KLRC1: variants seen among roughly 807,000 people sequenced by gnomAD.
KLRC1 encodes the protein killer cell lectin like receptor C1, also known as NKG2-A/NKG2-B type II integral membrane protein.
Under a neutral mutation model 25.9 loss-of-function variants are expected in KLRC1, and 22 were observed. The observed-to-expected ratio is 0.85, with a 90% CI of 0.61 to 1.21. The LOEUF (loss-of-function observed/expected upper bound fraction) is 1.21, where lower values mean the gene tolerates loss of function less well. KLRC1 is among the 50% of genes most tolerant of loss of function. The probability of loss-of-function intolerance (pLI) is 0.00; values close to 1 mark genes in which losing one functional copy is unlikely to be tolerated. For missense variants in KLRC1, 240 were observed against 272.2 expected (o/e 0.88, Z 0.83); for synonymous variants, 77 against 93.1 (o/e 0.83, Z 0.99).
chr12:10,444,953 C>G (rs1241414048), downstream of KLRC1, among the ~76,000 whole-genome samples: 2 of 144,132 alleles, frequency 1.4e-5, no homozygotes, highest in Non-Finnish European at 3.0e-5. Flanking sequence ...CAGAGTCTCC[C>G]TCTGTCGCCA....
intron 1 of KLRC1, among the ~76,000 whole-genome samples, chr12:10,452,425 C>T (rs530299839): frequency 1.1e-4 from 16 of 152,180 alleles, no homozygotes; most frequent in African/African-American, 3.4e-4. Context: ...TTATAATGTG[C>T]GACCTTTAAA....
At chr12:10,447,991 A>G (rs1428430502) in intron 5 of KLRC1, among the ~76,000 whole-genome samples, 1 of 152,164 alleles carries the variant, frequency 6.6e-6, no homozygotes, top group Non-Finnish European at 1.5e-5. Flanking sequence ...AGAGGTTGTG[A>G]TTCAGAAATA....
intron 2 of KLRC1, 78 bp downstream of exon 2, chr12:10,450,892 C>T (rs1864110120): frequency 9.6e-7 from 1 of 1,044,878 alleles, no homozygotes; most frequent in Non-Finnish European, 1.4e-6. Context: ...ATGAGCACTC[C>T]CTTCTCTTTC....
In KLRC1 at chr12:10,450,536, T is replaced by A. The variant is rs902811853; in HGVS notation, c.231A>T (p.Gly77=). Residue 77 remains glycine (G), a synonymous_variant, in exon 3 of 7, where the codon GGA becomes GGT. Coordinates refer to ENST00000359151, the MANE Select transcript of KLRC1 (RefSeq NM_002259.5). ...APEKLIVGIL[G]IICLILMASV... is the part of the protein sequence containing the mutation. ...AGGCCATTAAGATAAGACAGATAAT[T>A]CCCAGGATCCCAACAATGAGCTTCT... 7.4e-6 allele frequency: 12 copies of A among 1,611,714 alleles called. No homozygotes were observed. The African/African-American group carries it at 1.5e-4, about 20-fold the overall frequency.
At chr12:10,443,098 G>T (rs1863931974), downstream of KLRC1, among the ~76,000 whole-genome samples, 2 of 135,420 alleles carry the variant, frequency 1.5e-5, 1 homozygote, top group African/African-American at 5.8e-5. Context: ...AGCACAACAG[G>T]GTCACTACAG....
At chr12:10,449,801 G>T in intron 4 of KLRC1, 113 bp downstream of exon 4, 1 of 818,312 alleles carries the variant, frequency 1.2e-6, no homozygotes, top group South Asian at 2.8e-5. Context: ...TTTTATTTAT[G>T]AACACTTATT....
At chr12:10,451,347 T>C in intron 1 of KLRC1, 160 bp from the exon 2 acceptor site, 3 of 449,820 alleles carry the variant, frequency 6.7e-6, no homozygotes, top group East Asian at 3.6e-5. Context: ...ACGTTTCTTA[T>C]GAATATTTGT....
chr12:10,449,855 G>A, intron 4 of KLRC1, 59 bp downstream of exon 4: 2 of 1,320,756 alleles, frequency 1.5e-6, no homozygotes, highest in Admixed American at 3.2e-5. Flanking sequence ...TTTTTGTACA[G>A]CCTAAGATCA....
chr12:10,449,847 T>C (rs751081225), intron 4 of KLRC1, 67 bp downstream of exon 4: 106 of 1,277,188 alleles, frequency 8.3e-5, no homozygotes, highest in Non-Finnish European at 1.0e-4. Flanking sequence ...AAATTTTATT[T>C]TTGTACAGCC....
rs749915814 is a variant in KLRC1 at position 10,446,521 on chromosome 12, T to C, written c.*30A>G. ...TATTTTAAGAAATATACAATTTATC[T>C]GATGCACTGCAAATGCAAACGCTTT... On this transcript the variant is annotated 3_prime_UTR_variant, in exon 7 of 7. Transcript: ENST00000359151. 6.3e-7 allele frequency: 1 copy of C among 1,579,894 alleles called. No individual in the cohort carries two copies. The highest frequency in any genetic ancestry group is 1.2e-5 in the South Asian group (1 of 86,618).
downstream of KLRC1, among the ~76,000 whole-genome samples, chr12:10,443,396 T>C (rs1239575593): frequency 1.4e-5 from 2 of 140,306 alleles, no homozygotes; most frequent in Admixed American, 6.9e-5. Context: ...ACAGTTGTAA[T>C]AGTGCCGTCT....
intron 4 of KLRC1, 134 bp downstream of exon 4, chr12:10,449,780 C>T (rs1248443122): frequency 1.6e-6 from 1 of 643,208 alleles, no homozygotes; most frequent in Admixed American, 3.9e-5. Context: ...CAAGTGAATG[C>T]CTTACTCTAA....
intron 4 of KLRC1, 108 bp from the exon 5 acceptor site, chr12:10,449,496 A>G (rs2137894117): frequency 6.6e-7 from 1 of 1,510,340 alleles, no homozygotes; most frequent in Non-Finnish European, 8.9e-7. Flanking sequence ...ACATATCTAT[A>G]CATCTTCATG....
intron 1 of KLRC1, among the ~76,000 whole-genome samples, chr12:10,452,444 C>T (rs1864145319): frequency 6.6e-6 from 1 of 152,056 alleles, no homozygotes; most frequent in Non-Finnish European, 1.5e-5. Flanking sequence ...AAAAGTTATT[C>T]TATTTTTAAT....
downstream of KLRC1, among the ~76,000 whole-genome samples, chr12:10,445,621 A>T (rs1165227795): frequency 1.3e-5 from 2 of 152,160 alleles, no homozygotes; most frequent in Non-Finnish European, 1.5e-5. Context: ...ATATAGATTA[A>T]AAAAATAAAA....
chr12:10,449,904 T>G lies in KLRC1; in HGVS notation c.337+10A>C. 1 of 1,456,004 alleles carries G rather than the reference T, an allele frequency of 6.9e-7. No homozygotes were observed. The highest frequency in any genetic ancestry group is 9.1e-7 in the Non-Finnish European group (1 of 1,094,778). 90.2% of individuals were successfully genotyped at this position (1,456,004 alleles called of 1,614,324 possible). A position where few individuals can be genotyped will look rare whatever the true frequency, so the allele number is the denominator to read the frequency against. Reference sequence around the variant, plus strand: ...TGTACAATATTAAAACTTTAAAAATTATTATATACCTTTCTGAGTTCTTGT... The same window carrying G: ...TGTACAATATTAAAACTTTAAAAATGATTATATACCTTTCTGAGTTCTTGT... On this transcript the variant is annotated intron_variant, in intron 4 of 6. Coordinates refer to ENST00000359151, the MANE Select transcript of KLRC1 (RefSeq NM_002259.5).
intron 6 of KLRC1, 74 bp downstream of exon 6, chr12:10,447,458 A>G: frequency 8.1e-7 from 1 of 1,240,726 alleles, no homozygotes; most frequent in Non-Finnish European, 1.1e-6. Flanking sequence ...TTCCACATAG[A>G]TTTATTCATA....
upstream of KLRC1, chr12:10,453,508 A>C: frequency 9.9e-6 from 3 of 303,752 alleles, no homozygotes; most frequent in Non-Finnish European, 1.4e-5. Flanking sequence ...TAAAAGTACA[A>C]GGTTGACTTT....
At position 10,450,953 on chromosome 12, in the gene KLRC1, T is replaced by A; in HGVS notation, c.187+17A>T. The A allele has an allele frequency of 6.3e-7, 1 of 1,579,608 alleles. No homozygotes were observed. The highest frequency in any genetic ancestry group is 8.6e-7 in the Non-Finnish European group (1 of 1,156,384). The stretch of plus-strand genomic sequence containing the variant: ...ACATCCTAGACTGTTATATTGAGGA[T>A]CTTTTAAATGCTTTACCTTTGCAGT... On this transcript the variant is annotated intron_variant, in intron 2 of 6. Transcript: ENST00000359151.
Sources: gnomAD v4.1 joint callset for allele counts (sites outside exome capture counted in the v4.1 genomes callset) on GRCh38, gnomAD v4.1.1 for gene constraint, MANE v1.5 for transcripts, NCBI Gene and HGNC (gene_info 2026-07-23, HGNC 2026-07-21) for gene names.